Variants in CTTNBP2NL observed in about 807,000 individuals in gnomAD.
CTTNBP2NL encodes the protein CTTNBP2 N-terminal-like protein.
Under a neutral mutation model 32.5 loss-of-function variants are expected in CTTNBP2NL, and 16 were observed. The observed-to-expected ratio is 0.49, with a 90% CI of 0.33 to 0.75. The LOEUF is 0.75. Ranked by LOEUF, CTTNBP2NL falls within the 30% of genes least tolerant of loss-of-function variation. The pLI, the probability that CTTNBP2NL is intolerant of heterozygous loss-of-function variation, is 0.02. For synonymous variants in CTTNBP2NL, 298 were observed against 289.4 expected, an observed-to-expected ratio of 1.03 and a Z score of -0.30; for missense variants, 645 against 756.0, an observed-to-expected ratio of 0.85 and a Z score of 1.72.
intron 1 of CTTNBP2NL, among the ~76,000 whole-genome samples, chr1:112,397,938 C>T (rs898299948): frequency 2.5e-4 from 38 of 152,160 alleles, no homozygotes; most frequent in African/African-American, 8.9e-4. Flanking sequence ...TTTTCAGAGC[C>T]ACTCGGTGCT....
chr1:112,410,519 T>C (rs1386207565), intron 1 of CTTNBP2NL, among the ~76,000 whole-genome samples: 3 of 152,184 alleles, frequency 2.0e-5, no homozygotes, highest in African/African-American at 7.2e-5. Flanking sequence ...GTATTTTTTA[T>C]TGAGAAAACT....
At chr1:112,425,474 C>CA (rs1397058124) in intron 3 of CTTNBP2NL, among the ~76,000 whole-genome samples, 1 of 151,830 alleles carries the variant, frequency 6.6e-6, no homozygotes. Context: ...CCATCCCCAT[C>CA]AAAAAAAGAA....
intron 2 of CTTNBP2NL, chr1:112,415,843 C>T (rs1180294691): frequency 6.7e-6 from 2 of 296,596 alleles, no homozygotes; most frequent in Non-Finnish European, 1.3e-5. Flanking sequence ...GCATGAGCCA[C>T]TGCACCCAGC....
At chr1:112,404,400 T>G (rs1648597359) in intron 1 of CTTNBP2NL, among the ~76,000 whole-genome samples, 1 of 152,218 alleles carries the variant, frequency 6.6e-6, no homozygotes. Flanking sequence ...TGGGCATCGC[T>G]AAAACACAGA....
At chr1:112,396,139 G>T (rs1648316299), upstream of CTTNBP2NL, 1 of 152,288 alleles carries the variant, frequency 6.6e-6, no homozygotes, top group Non-Finnish European at 1.5e-5. Flanking sequence ...TGGGGCCGAG[G>T]CTGGAGAAGC....
intron 3 of CTTNBP2NL, among the ~76,000 whole-genome samples, chr1:112,440,882 A>G (rs771060408): frequency 6.6e-6 from 1 of 151,594 alleles, no homozygotes; most frequent in Non-Finnish European, 1.5e-5. Context: ...TTCGCAGGCA[A>G]TAAACGCTCG....
chr1:112,409,093 A>G (rs1053191663), intron 1 of CTTNBP2NL, among the ~76,000 whole-genome samples: 1 of 144,032 alleles, frequency 6.9e-6, no homozygotes, highest in African/African-American at 2.6e-5. Flanking sequence ...GTGCCAGTGC[A>G]CTCCAGCCTG....
chr1:112,447,049 T>C (rs1447353270), intron 3 of CTTNBP2NL, among the ~76,000 whole-genome samples: 1 of 151,560 alleles, frequency 6.6e-6, no homozygotes, highest in East Asian at 1.9e-4. Flanking sequence ...CCAAGGCGGG[T>C]GGATCACGAG....
intron 3 of CTTNBP2NL, among the ~76,000 whole-genome samples, chr1:112,445,490 G>T (rs1650012796): frequency 6.6e-6 from 1 of 152,056 alleles, no homozygotes; most frequent in African/African-American, 2.4e-5. Flanking sequence ...CCATGTTCCA[G>T]TCCAGTGTTT....
At chr1:112,428,077 A>G (rs1473361283) in intron 3 of CTTNBP2NL, among the ~76,000 whole-genome samples, 2 of 151,998 alleles carry the variant, frequency 1.3e-5, no homozygotes, top group East Asian at 1.9e-4. Context: ...AAGCATTTAT[A>G]TATATATGTA....
chr1:112,431,636 A>T (rs1299668169), intron 3 of CTTNBP2NL, among the ~76,000 whole-genome samples: 1 of 152,208 alleles, frequency 6.6e-6, no homozygotes, highest in East Asian at 1.9e-4. Flanking sequence ...AAACAACATA[A>T]ATGTTCATCA....
At chr1:112,396,155 G>A (rs888809949), upstream of CTTNBP2NL, 6 of 152,318 alleles carry the variant, frequency 3.9e-5, no homozygotes, top group Non-Finnish European at 5.9e-5. Context: ...GAAGCAAGGA[G>A]GCGATTGGCG....
intron 1 of CTTNBP2NL, among the ~76,000 whole-genome samples, chr1:112,402,120 T>C (rs904593225): frequency 1.3e-5 from 2 of 152,060 alleles, no homozygotes; most frequent in African/African-American, 4.8e-5. Context: ...CTACTCACCA[T>C]AGAAAGGTGA....
chr1:112,455,272 G>A lies in CTTNBP2NL; in HGVS notation c.439-659G>A, dbSNP rs185455593. Among the ~76,000 whole-genome samples the A allele has an allele frequency of 1.1e-4, 17 of 152,244 alleles. No homozygotes were observed. The East Asian group carries it at 2.5e-3, about 22-fold the overall frequency. On this transcript the variant is annotated intron_variant, in intron 5 of 5. Coordinates refer to ENST00000271277, the MANE Select transcript of CTTNBP2NL (RefSeq NM_018704.3). ...TGTAATCCCAGCACTTTTGGAGGCCGAGGTGGGTGGATCACCTAAGGTCAG... is the reference window on the plus strand; with the variant it reads ...TGTAATCCCAGCACTTTTGGAGGCCAAGGTGGGTGGATCACCTAAGGTCAG...
chr1:112,422,561 G>T (rs1649263430), intron 3 of CTTNBP2NL, among the ~76,000 whole-genome samples: 1 of 152,118 alleles, frequency 6.6e-6, no homozygotes, highest in Admixed American at 6.6e-5. Context: ...TTAAGAATCT[G>T]CCCAAGTGTT....
intron 3 of CTTNBP2NL, among the ~76,000 whole-genome samples, chr1:112,430,554 T>C (rs1266699722): frequency 3.3e-5 from 1 of 30,468 alleles, no homozygotes; most frequent in East Asian, 6.5e-4. Flanking sequence ...AGCTTTTTTT[T>C]TTTTTTTTTT....
At chr1:112,403,105 T>C (rs895582404) in intron 1 of CTTNBP2NL, among the ~76,000 whole-genome samples, 4 of 152,216 alleles carry the variant, frequency 2.6e-5, no homozygotes, top group African/African-American at 9.6e-5. Context: ...GTAAATTCTT[T>C]TTAATGTCTC....
intron 3 of CTTNBP2NL, among the ~76,000 whole-genome samples, chr1:112,427,905 A>AAC (rs1246012714): frequency 2.0e-5 from 3 of 151,756 alleles, no homozygotes; most frequent in Non-Finnish European, 2.9e-5. Flanking sequence ...CAAAAAAAAA[A>AAC]AAAAACAGTA....
chr1:112,415,961 T>A (rs1649047971), intron 2 of CTTNBP2NL, 196 bp from the exon 3 acceptor site: 1 of 494,862 alleles, frequency 2.0e-6, no homozygotes, highest in African/African-American at 2.0e-5. Flanking sequence ...AAATCAATAA[T>A]TAAAGTGAAT....
Sources: gnomAD v4.1 joint callset for allele counts (sites outside exome capture counted in the v4.1 genomes callset) on GRCh38, gnomAD v4.1.1 for gene constraint, MANE v1.5 for transcripts, NCBI Gene and HGNC (gene_info 2026-07-23, HGNC 2026-07-21) for gene names.